The following RP1 variants were observed in gnomAD, a reference collection of about 807,000 sequenced individuals.
RP1 encodes the protein oxygen-regulated protein 1.
A neutral mutation model predicts 14.8 loss-of-function variants in RP1; 16 were observed. The ratio of observed to expected loss-of-function variants is 1.08; its 90% confidence interval spans 0.73 to 1.65. RP1 has a LOEUF of 1.65. RP1 is among the 40% of genes most tolerant of loss of function. The pLI, the probability that RP1 is intolerant of heterozygous loss-of-function variation, is 0.00. For missense variants in RP1, 2,631 were observed against 2,535.0 expected (o/e 1.04, Z -0.81); for synonymous variants, 876 against 883.6 (o/e 0.99, Z 0.15).
intron 1 of RP1, among the ~76,000 whole-genome samples, chr8:54,608,734 T>C (rs1229857212): frequency 6.6e-6 from 1 of 152,238 alleles, no homozygotes; most frequent in African/African-American, 2.4e-5. Context: ...ATATATTTGC[T>C]ATCCTAATAA....
chr8:54,621,416 C>A lies in RP1; in HGVS notation c.450C>A (p.Pro150=), dbSNP rs1430902118. The change falls in exon 2 of 4, where the codon CCC becomes CCA. Residue 150 remains proline, a synonymous_variant. Transcript: ENST00000220676. The part of the protein sequence containing the change: ...HPVAVAAPGM[P]RPPRSLVVFR... ...TAGCCGTCGCTGCTCCCGGCATGCC[C>A]CGCCCCCCACGGAGCCTAGTGGTCT... 6.2e-7 allele frequency: 1 copy of A among 1,613,360 alleles called. No homozygotes were observed. The highest frequency in any genetic ancestry group is 1.3e-5 in the African/African-American group (1 of 74,914).
At chr8:54,754,940 GT>G (rs1450824942) in intron 20 of RP1, 1 of 1,517,340 alleles carries the variant, frequency 6.6e-7, no homozygotes, top group African/African-American at 1.4e-5. Context: ...TTCCATGTGT[GT>G]TTTTAATCTT....
intron 12 of RP1, among the ~76,000 whole-genome samples, chr8:54,688,083 CAT>C (rs916134930): frequency 1.3e-5 from 2 of 152,022 alleles, no homozygotes; most frequent in Non-Finnish European, 2.9e-5. Context: ...CTTTTTTTCA[CAT>C]GTTTGTTGGC....
At chr8:54,585,426 A>G in intron 1 of RP1, among the ~76,000 whole-genome samples, 1 of 152,172 alleles carries the variant, frequency 6.6e-6, no homozygotes, top group Non-Finnish European at 1.5e-5. Context: ...GGCTGCCCTT[A>G]ACATTTTTTC....
intron 21 of RP1, among the ~76,000 whole-genome samples, chr8:54,756,178 A>T (rs72650361): frequency 2.6e-5 from 4 of 152,298 alleles, no homozygotes; most frequent in Non-Finnish European, 5.9e-5. Flanking sequence ...TCTATAAAAC[A>T]TTTTGAATGG....
chr8:54,803,522 A>C (rs1041111168), intron 24 of RP1, among the ~76,000 whole-genome samples: 2 of 152,204 alleles, frequency 1.3e-5, no homozygotes. Context: ...ATGATATTAC[A>C]CTATCATCCT....
At chr8:54,656,891 GAT>G (rs1730806270) in intron 6 of RP1, among the ~76,000 whole-genome samples, 1 of 151,518 alleles carries the variant, frequency 6.6e-6, no homozygotes, top group South Asian at 2.1e-4. Flanking sequence ...TTAAAAATGT[GAT>G]GTTTTAATTT....
intron 24 of RP1, among the ~76,000 whole-genome samples, chr8:54,828,384 T>G (rs1000106752): frequency 9.2e-5 from 14 of 152,154 alleles, no homozygotes; most frequent in African/African-American, 3.1e-4. Context: ...TTCTCTCAAG[T>G]GTGAGTGAGT....
chr8:54,582,880 C>T (rs1395800229), intron 1 of RP1, among the ~76,000 whole-genome samples: 2 of 152,192 alleles, frequency 1.3e-5, no homozygotes, highest in African/African-American at 2.4e-5. Flanking sequence ...AGTTGCCTAT[C>T]AGCTTAAGGA....
At position 54,575,173 on chromosome 8, in the gene RP1, G is replaced by C. The variant is rs562251143; in HGVS notation, c.-13+15853G>C. Among the ~76,000 whole-genome samples, 62 of 152,206 alleles carry C rather than the reference G, an allele frequency of 4.1e-4. 1 individual carries two copies. The South Asian group carries it at 0.01, about 25-fold the overall frequency. On this transcript the variant is annotated intron_variant, in intron 1 of 22. Coordinates refer to the RP1 transcript ENST00000636932. ...GCAGAGGGTGGATACTGTGACTCAG[G>C]GTTTCTGTAGATACAAATCCTTCAC...
At chr8:54,845,397 T>C (rs796744230) in intron 25 of RP1, among the ~76,000 whole-genome samples, 5 of 152,288 alleles carry the variant, frequency 3.3e-5, no homozygotes, top group African/African-American at 1.2e-4. Context: ...CAGATATTTA[T>C]GTATGCTAGG....
At chr8:54,760,179 CT>C in intron 22 of RP1, among the ~76,000 whole-genome samples, 1 of 152,202 alleles carries the variant, frequency 6.6e-6, no homozygotes, top group East Asian at 1.9e-4. Context: ...TCTTTTTTGC[CT>C]TTTAGTCATT....
chr8:54,823,983 A>T (rs957843619), intron 24 of RP1, among the ~76,000 whole-genome samples: 3 of 152,196 alleles, frequency 2.0e-5, no homozygotes, highest in African/African-American at 7.2e-5. Flanking sequence ...AGCTATCCTA[A>T]TAAAGTTGTG....
At chr8:54,762,904 T>C (rs1242708953) in intron 22 of RP1, among the ~76,000 whole-genome samples, 2 of 152,194 alleles carry the variant, frequency 1.3e-5, no homozygotes, top group Non-Finnish European at 2.9e-5. Flanking sequence ...TGTCTTCCTT[T>C]TGTGTGTCTG....
In RP1 at chr8:54,626,281, A is replaced by C; in HGVS notation, c.2399A>C (p.Lys800Thr). Residue 800 changes from lysine (K) to threonine (T), a missense_variant, in exon 4 of 4, where the codon AAA becomes ACA. Physicochemically the swap from Lys to Thr is moderately conservative, Grantham distance 78 (BLOSUM62 -1). Transcript: ENST00000220676. The part of the protein sequence containing the change: ...PKKREIGQRD[K>T]VFPHNESKYC... ...AAAAGAGAAATCGGTCAAAGAGATA[A>C]AGTGTTTCCTCACAATGAATCTAAA... 2 of 1,613,542 alleles carry C rather than the reference A, an allele frequency of 1.2e-6. No homozygotes were observed. The highest frequency in any genetic ancestry group is 1.7e-6 in the Non-Finnish European group (2 of 1,179,696).
At chr8:54,692,742 G>A (rs370841193) in intron 12 of RP1, among the ~76,000 whole-genome samples, 12 of 149,474 alleles carry the variant, frequency 8.0e-5, no homozygotes, top group South Asian at 2.2e-4. Context: ...AGTAGGTTGC[G>A]AAAATTTTCT....
intron 12 of RP1, among the ~76,000 whole-genome samples, chr8:54,698,530 A>T (rs889346209): frequency 3.9e-5 from 6 of 152,210 alleles, no homozygotes; most frequent in Non-Finnish European, 5.9e-5. Flanking sequence ...AGCAAATCCC[A>T]TTCCTGGGTA....
intron 3 of RP1, among the ~76,000 whole-genome samples, chr8:54,639,538 T>G (rs1460632508): frequency 6.6e-6 from 1 of 152,192 alleles, no homozygotes; most frequent in African/African-American, 2.4e-5. Context: ...CAACAATATA[T>G]GAGGATTCTA....
chr8:54,645,891 T>A (rs1806540077), intron 3 of RP1, among the ~76,000 whole-genome samples: 1 of 152,168 alleles, frequency 6.6e-6, no homozygotes, highest in Admixed American at 6.5e-5. Flanking sequence ...TTGTTTTGTG[T>A]CTGCTCTGGT....
Sources: gnomAD v4.1 joint callset for allele counts (sites outside exome capture counted in the v4.1 genomes callset) on GRCh38, gnomAD v4.1.1 for gene constraint, MANE v1.5 for transcripts, NCBI Gene and HGNC (gene_info 2026-07-23, HGNC 2026-07-21) for gene names.